Variants in TSPEAR observed in about 807,000 individuals in gnomAD.
The protein encoded by TSPEAR is thrombospondin-type laminin G domain and EAR repeat-containing protein.
In TSPEAR, 69 loss-of-function variants were observed where a neutral mutation model predicts 71.6. The observed-to-expected ratio is 0.96, with a 90% CI of 0.79 to 1.18. TSPEAR has a LOEUF of 1.18. Among genes scored for constraint, TSPEAR ranks in the 50% most tolerant of loss-of-function variants. The probability of loss-of-function intolerance (pLI) is 0.00; values close to 1 mark genes in which losing one functional copy is unlikely to be tolerated. For synonymous variants in TSPEAR, 402 were observed against 387.2 expected (o/e 1.04, Z -0.45); for missense variants, 971 against 894.9 (o/e 1.09, Z -1.09).
At chr21:44,513,950 G>A (rs1238348996) in intron 9 of TSPEAR, among the ~76,000 whole-genome samples, 1 of 152,146 alleles carries the variant, frequency 6.6e-6, no homozygotes, top group Non-Finnish European at 1.5e-5. Context: ...ACTCCCTTGA[G>A]AGAACTGGGC....
chr21:44,677,950 T>C, intron 1 of TSPEAR: 1 of 1,358,654 alleles, frequency 7.4e-7, no homozygotes, highest in Non-Finnish European at 1.0e-6. Context: ...GCTCCAGCAA[T>C]GTTGCCAGTA....
intron 9 of TSPEAR, chr21:44,516,325 CTGCACCTGGTCTG>C (rs1283089457): frequency 6.6e-6 from 1 of 152,432 alleles, no homozygotes; most frequent in Non-Finnish European, 1.5e-5. Context: ...GGCTGCCTGC[CTGCACCTGGTCTG>C]GGCACCTGAA....
chr21:44,570,294 C>T (rs140347024), intron 1 of TSPEAR, among the ~76,000 whole-genome samples: 136 of 152,372 alleles, frequency 8.9e-4, no homozygotes, highest in Admixed American at 3.9e-3. Context: ...ATAGCCTCTT[C>T]CTGGCTCCGG....
Position 44,612,170 on chromosome 21 carries a change from G to A in TSPEAR, c.83-44165C>T, listed in dbSNP as rs111668637. 6.1e-3 allele frequency: 9,872 copies of A among 1,614,000 alleles called. 450 individuals carry two copies. In the African/African-American group the frequency reaches 0.11, roughly 18 times the overall value. On this transcript the variant is annotated intron_variant, in intron 1 of 11. Coordinates refer to ENST00000323084, the MANE Select transcript of TSPEAR (RefSeq NM_144991.3). This position sits in a 1 kb window ranked among gnomAD's most constrained non-coding sequence, Gnocchi z 4.1. ...CACCATGTCTGTCTGCTCCAGTGAC[G>A]TGGGCCATGTCAGCCGAGTCTCCTC... is the stretch of plus-strand genomic sequence containing the variant.
At chr21:44,556,661 C>T (rs1555919869) in intron 2 of TSPEAR, among the ~76,000 whole-genome samples, 1 of 152,208 alleles carries the variant, frequency 6.6e-6, no homozygotes, top group Admixed American at 6.5e-5. Context: ...CACTGCACTC[C>T]AGTCTGGGCA....
intron 1 of TSPEAR, among the ~76,000 whole-genome samples, chr21:44,594,795 C>CT (rs1980247528): frequency 6.7e-6 from 1 of 148,168 alleles, no homozygotes; most frequent in East Asian, 2.0e-4. Flanking sequence ...AAAGTCTCCT[C>CT]TTTTTTTCCA....
intron 1 of TSPEAR, among the ~76,000 whole-genome samples, chr21:44,648,043 G>A (rs139480607): frequency 7.8e-4 from 119 of 152,360 alleles, no homozygotes; most frequent in South Asian, 4.6e-3. Flanking sequence ...TGTGTGGGCC[G>A]TGGAAAAGGT....
At chr21:44,574,101 T>C (rs1282451741) in intron 1 of TSPEAR, 1 of 1,596,934 alleles carries the variant, frequency 6.3e-7, no homozygotes, top group Non-Finnish European at 8.6e-7. Flanking sequence ...GCCCGTCTGC[T>C]GCAAGACTGT....
Position 44,571,079 on chromosome 21 carries a change from T to G in TSPEAR, c.83-3074A>C, listed in dbSNP as rs1049652806. Among the ~76,000 whole-genome samples, 7 of 152,304 alleles carry G rather than the reference T, an allele frequency of 4.6e-5. No homozygotes were observed. The East Asian group carries it at 1.3e-3, about 29-fold the overall frequency. The stretch of plus-strand genomic sequence containing the variant: ...ATTCTACATCATCTCTTTCAGAAGA[T>G]AGAATAGGAGAAAACACCAACTCTT... On this transcript the variant is annotated intron_variant, in intron 1 of 11. Coordinates refer to ENST00000323084, the MANE Select transcript of TSPEAR (RefSeq NM_144991.3).
chr21:44,705,131 T>C (rs1438306943), intron 1 of TSPEAR, among the ~76,000 whole-genome samples: 1 of 152,274 alleles, frequency 6.6e-6, no homozygotes, highest in Non-Finnish European at 1.5e-5. Flanking sequence ...ATTAATACTT[T>C]TGTAATTTCT....
chr21:44,605,147 G>C (rs1446570351), intron 1 of TSPEAR, among the ~76,000 whole-genome samples: 1 of 152,126 alleles, frequency 6.6e-6, no homozygotes, highest in Non-Finnish European at 1.5e-5. Flanking sequence ...AAAATTAATA[G>C]CATTTCTATA....
At chr21:44,708,420 G>A (rs545703422) in intron 1 of TSPEAR, among the ~76,000 whole-genome samples, 1 of 152,250 alleles carries the variant, frequency 6.6e-6, no homozygotes, top group African/African-American at 2.4e-5. Flanking sequence ...ACTCCCTTAG[G>A]CGCTGAAGTC....
At chr21:44,523,443 T>G (rs1315788196) in intron 8 of TSPEAR, among the ~76,000 whole-genome samples, 2 of 151,576 alleles carry the variant, frequency 1.3e-5, no homozygotes, top group East Asian at 3.9e-4. Flanking sequence ...AGGTAGTCAG[T>G]TAGGTAGTTA....
At chr21:44,535,455 C>T (rs1048346720) in intron 2 of TSPEAR, among the ~76,000 whole-genome samples, 1 of 152,212 alleles carries the variant, frequency 6.6e-6, no homozygotes, top group Non-Finnish European at 1.5e-5. Flanking sequence ...AGTTAGACAG[C>T]ATACAGTCAC....
In TSPEAR at chr21:44,704,974, C is replaced by T. The variant is rs372610509; in HGVS notation, c.82+6459G>A. Among the ~76,000 whole-genome samples, 28 of 152,300 alleles carry T rather than the reference C, an allele frequency of 1.8e-4. No homozygotes were observed. In the South Asian group the frequency reaches 5.4e-3, roughly 29 times the overall value. On this transcript the variant is annotated intron_variant, in intron 1 of 11. Transcript: ENST00000323084. ...GTGGCTGCTGATGGCCCATCCCCAA[C>T]CACTGGTGACTCTTCCCTGGGGCCC...
In TSPEAR at chr21:44,658,539, C is replaced by T. The variant is rs114817907; in HGVS notation, c.82+52894G>A. ...ATAAATCGGCTGTCCCTATACACCTCGTCTCTCTCTTTTATCTTCATGTAT... is the reference window on the plus strand; with the variant it reads ...ATAAATCGGCTGTCCCTATACACCTTGTCTCTCTCTTTTATCTTCATGTAT... On this transcript the variant is annotated intron_variant, in intron 1 of 11. Coordinates refer to ENST00000323084, the MANE Select transcript of TSPEAR (RefSeq NM_144991.3). Among the ~76,000 whole-genome samples the T allele has an allele frequency of 5.5e-3, 834 of 152,308 alleles. 7 individuals are homozygous for T. The highest frequency in any genetic ancestry group is 0.019 in the African/African-American group (804 of 41,554).
intron 2 of TSPEAR, chr21:44,550,644 G>A (rs782133248): frequency 9.0e-5 from 144 of 1,600,238 alleles, no homozygotes; most frequent in Non-Finnish European, 1.2e-4. Context: ...CCAAGGACTG[G>A]CAGGGAGGTG....
intron 1 of TSPEAR, among the ~76,000 whole-genome samples, chr21:44,673,821 T>C (rs1986170978): frequency 6.6e-6 from 1 of 152,062 alleles, no homozygotes; most frequent in Non-Finnish European, 1.5e-5. Context: ...TTGGAAACTG[T>C]ACAAATATGT....
At chr21:44,511,038 C>G (rs1483527940) in intron 9 of TSPEAR, 1 of 152,320 alleles carries the variant, frequency 6.6e-6, no homozygotes, top group African/African-American at 2.4e-5. Context: ...CCGGTGGGAC[C>G]TTCAGCAGCA....
Sources: gnomAD v4.1 joint callset for allele counts (sites outside exome capture counted in the v4.1 genomes callset) on GRCh38, gnomAD v4.1.1 for gene constraint, Gnocchi (gnomAD v3.1) non-coding constraint, MANE v1.5 for transcripts, NCBI Gene and HGNC (gene_info 2026-07-23, HGNC 2026-07-21) for gene names.